MYH15: variants seen among roughly 807,000 people sequenced by gnomAD.
MYH15 encodes the protein myosin-15.
MYH15 carries 227 observed loss-of-function variants against 240.5 expected under a neutral mutation model. The ratio of observed to expected loss-of-function variants is 0.94; its 90% CI spans 0.85 to 1.05. The LOEUF (loss-of-function observed/expected upper bound fraction) is 1.05. MYH15 is among the 50% of genes least tolerant of loss of function. The probability of loss-of-function intolerance (pLI) is 0.00; values close to 1 mark genes in which losing one functional copy is unlikely to be tolerated. For missense variants in MYH15, 2,217 were observed against 2,247.5 expected (o/e 0.99, Z 0.27); for synonymous variants, 785 against 796.7 (o/e 0.99, Z 0.25).
In MYH15 at chr3:108,384,781, G is replaced by C; in HGVS notation, c.5537C>G (p.Ala1846Gly). The C allele has an allele frequency of 3.1e-6, 5 of 1,613,240 alleles. No homozygotes were observed. Among genetic ancestry groups the C allele is most frequent in the Non-Finnish European group, 4.2e-6 (5 of 1,179,530 alleles). Reference protein sequence around the residue: ...ERCIKELTYQAEEDKKNLSRM... With the variant: ...ERCIKELTYQGEEDKKNLSRM... ...GCTCAGATTCTTCTTGTCTTCCTCT[G>C]CCTGCAATACATAGGCATGTATGGG... The change falls in exon 39 of 41, where the codon GCA becomes GGA. Residue 1846 changes from alanine to glycine, a missense_variant and splice_region_variant. Transcript: ENST00000693548.
upstream of MYH15, among the ~76,000 whole-genome samples, chr3:108,514,643 T>A (rs543581160): frequency 9.3e-5 from 14 of 150,644 alleles, 1 homozygote; most frequent in African/African-American, 3.2e-4. Flanking sequence ...GGTGGGGGGG[T>A]GGAGCTGGTC....
intron 26 of MYH15, 125 bp from the exon 27 acceptor site, chr3:108,429,006 T>C: frequency 1.0e-6 from 1 of 992,732 alleles, no homozygotes; most frequent in Non-Finnish European, 1.4e-6. Context: ...GAAAACAGAA[T>C]ACACAGAAGT....
At position 108,437,541 on chromosome 3, in the gene MYH15, A is replaced by C; in HGVS notation, c.3221+13T>G. On this transcript the variant is annotated intron_variant, in intron 25 of 40. Coordinates refer to ENST00000693548, the MANE Select transcript of MYH15 (RefSeq NM_014981.3). ...GTCTCCAGCAATCTCATGTCAACAGAAAGGTGGCTTACTTCCTCAGCTCTT... is the reference window on the plus strand; with the variant it reads ...GTCTCCAGCAATCTCATGTCAACAGCAAGGTGGCTTACTTCCTCAGCTCTT... The C allele has an allele frequency of 6.2e-7, 1 of 1,609,612 alleles. No homozygotes were observed. The highest frequency in any genetic ancestry group is 1.3e-5 in the African/African-American group (1 of 74,806).
intron 12 of MYH15, among the ~76,000 whole-genome samples, chr3:108,471,061 A>AGGGAGGGAGGAAGAG (rs1560402885): frequency 1.1e-3 from 113 of 100,354 alleles, no homozygotes; most frequent in African/African-American, 4.0e-3. Context: ...AAGAGGAAGG[A>AGGGAGGGAGGAAGAG]AGGGAGGGAG....
At chr3:108,500,003 G>T in intron 4 of MYH15, 115 bp downstream of exon 4, 1 of 1,188,244 alleles carries the variant, frequency 8.4e-7, no homozygotes, top group Non-Finnish European at 1.2e-6. Flanking sequence ...GGCTTCAAGT[G>T]ATTAGCTAAC....
intron 1 of MYH15, among the ~76,000 whole-genome samples, chr3:108,518,957 A>G (rs1286557837): frequency 6.6e-6 from 1 of 152,228 alleles, no homozygotes; most frequent in Non-Finnish European, 1.5e-5. Flanking sequence ...GCACTCAGAG[A>G]AGACTCTAGT....
chr3:108,436,445 T>C (rs183075276), intron 25 of MYH15, among the ~76,000 whole-genome samples: 1 of 152,330 alleles, frequency 6.6e-6, no homozygotes, highest in East Asian at 1.9e-4. Context: ...TAATAGCATA[T>C]GTATATACCA....
At chr3:108,550,730 C>T in the MYH15 span, 1 of 151,790 alleles carries the variant, frequency 6.6e-6, no homozygotes, top group Non-Finnish European at 1.5e-5. Flanking sequence ...TTTACTTTTA[C>T]TCTCTCTATA....
chr3:108,513,449 G>A (rs1028668161), upstream of MYH15, among the ~76,000 whole-genome samples: 3 of 152,166 alleles, frequency 2.0e-5, no homozygotes, highest in Admixed American at 1.3e-4. Flanking sequence ...AATGCTGGGA[G>A]TACCTCACTT....
chr3:108,463,291 T>A, intron 15 of MYH15, 48 bp from the exon 16 acceptor site: 1 of 1,557,186 alleles, frequency 6.4e-7, no homozygotes, highest in Non-Finnish European at 8.7e-7. Context: ...AAAAACTGCA[T>A]AAGTTAACAT....
At chr3:108,416,047 T>G (rs953374159) in intron 29 of MYH15, among the ~76,000 whole-genome samples, 3 of 152,226 alleles carry the variant, frequency 2.0e-5, no homozygotes, top group Non-Finnish European at 2.9e-5. Flanking sequence ...TCTGCTTCAT[T>G]TGACTGATAT....
chr3:108,481,167 T>TA (rs959699470), intron 11 of MYH15, among the ~76,000 whole-genome samples: 10 of 152,286 alleles, frequency 6.6e-5, no homozygotes, highest in South Asian at 6.2e-4. Flanking sequence ...TATAATTTGG[T>TA]AAAAAAATAC....
chr3:108,484,250 GA>G (rs1290390032), intron 11 of MYH15, among the ~76,000 whole-genome samples: 15 of 152,028 alleles, frequency 9.9e-5, no homozygotes, highest in Admixed American at 8.5e-4. Context: ...TTATTTTAAT[GA>G]TCATTCTAGA....
chr3:108,491,378 C>T (rs1236202289), intron 9 of MYH15, among the ~76,000 whole-genome samples: 1 of 152,150 alleles, frequency 6.6e-6, no homozygotes, highest in East Asian at 1.9e-4. Context: ...CCTTATTCCA[C>T]ATTTTTTTTC....
intron 6 of MYH15, 71 bp from the exon 7 acceptor site, chr3:108,495,943 AT>A: frequency 1.7e-6 from 2 of 1,185,502 alleles, no homozygotes; most frequent in Non-Finnish European, 2.4e-6. Context: ...CAAGCCCTCC[AT>A]CTCCAGGTCA....
rs756789079 is a variant in MYH15, at chr3:108,414,363, C to G, written c.4014G>C (p.Gln1338His). ...AQRDCDLLRE[Q>H]YEEEQEVKAE... ...CCTTGACCTCTTGTTCTTCCTCATA[C>G]TGCTCTCGTAGAAGGTCACAGTCAC... Residue 1338 changes from glutamine (Q) to histidine (H), a missense_variant, in exon 30 of 41, where the codon CAG becomes CAC. Physicochemically the swap from Gln to His is conservative, Grantham distance 24. Coordinates refer to ENST00000693548, the MANE Select transcript of MYH15 (RefSeq NM_014981.3). 1.9e-6 allele frequency: 3 copies of G among 1,614,206 alleles called. No individual in the cohort carries two copies. Among genetic ancestry groups the G allele is most frequent in the Non-Finnish European group, 2.5e-6 (3 of 1,180,038 alleles).
intron 6 of MYH15, among the ~76,000 whole-genome samples, 200 bp from the exon 7 acceptor site, chr3:108,496,072 C>A (rs1324210313): frequency 6.6e-6 from 1 of 152,172 alleles, no homozygotes; most frequent in African/African-American, 2.4e-5. Flanking sequence ...ATATACAATA[C>A]CCCTATGAAT....
chr3:108,431,750 A>G lies in MYH15; in HGVS notation c.3222-828T>C, dbSNP rs111727455. On this transcript the variant is annotated intron_variant, in intron 25 of 40. Transcript: ENST00000693548. ...GGAACAGTTTGGAGGGCTCAGAAGA[A>G]GAAAGGAAAATGCGGAAAGTTTGAA... 1.5e-3 allele frequency among the ~76,000 whole-genome samples: 229 copies of G among 152,324 alleles called. 1 individual carries two copies. Among genetic ancestry groups the G allele is most frequent in the African/African-American group, 5.3e-3 (222 of 41,578 alleles).
At chr3:108,516,824 G>A (rs2083576395) in intron 1 of MYH15, among the ~76,000 whole-genome samples, 1 of 151,942 alleles carries the variant, frequency 6.6e-6, no homozygotes, top group South Asian at 2.1e-4. Flanking sequence ...CAAGAGTATT[G>A]CACAAATTAT....
Sources: gnomAD v4.1 joint callset for allele counts (sites outside exome capture counted in the v4.1 genomes callset) on GRCh38, gnomAD v4.1.1 for gene constraint, MANE v1.5 for transcripts, NCBI Gene and HGNC (gene_info 2026-07-23, HGNC 2026-07-21) for gene names.